COA7: variants seen among roughly 807,000 people sequenced by gnomAD.
The protein encoded by COA7 is cytochrome c oxidase assembly factor 7.
Under a neutral mutation model 21.0 loss-of-function variants are expected in COA7, and 12 were observed. The ratio of observed to expected loss-of-function variants is 0.57; its 90% CI spans 0.37 to 0.92. The LOEUF (loss-of-function observed/expected upper bound fraction) is 0.92, where lower values mean the gene tolerates loss of function less well. Among genes scored for constraint, COA7 ranks in the 40% least tolerant of loss-of-function variants. The pLI is 0.01. For missense variants in COA7, 240 were observed against 286.1 expected, an observed-to-expected ratio of 0.84 and a Z score of 1.16; for synonymous variants, 95 against 107.4, an observed-to-expected ratio of 0.88 and a Z score of 0.72.
rs1299578507 is a variant in COA7, at chr1:52,687,585, T to C, written c.*135A>G. 3 of 732,794 alleles carry C rather than the reference T, an allele frequency of 4.1e-6. No individual in the cohort carries two copies. The highest frequency in any genetic ancestry group is 1.9e-5 in the South Asian group (1 of 53,598). 45.4% of individuals were successfully genotyped at this position (732,794 alleles called of 1,614,324 possible). On this transcript the variant is annotated 3_prime_UTR_variant, in exon 3 of 3. Transcript: ENST00000371538. ...TCCAGTAGCTGGGGCAATGGATCCA[T>C]GTAAATGGAGCTACAAATTCAAGTC...
rs1558102013 is a variant in COA7, at chr1:52,686,668, A to AT, written c.*1051dup. ...TTTCCCCGTGTTAGCCAGGATGGTC[A>AT]TGATCTCCTGATCTCGTGATCCACC... On this transcript the variant is annotated 3_prime_UTR_variant, in exon 3 of 3. Transcript: ENST00000371538. The AT allele has an allele frequency of 6.6e-6, 1 of 152,036 alleles. No homozygotes were observed. Among genetic ancestry groups the AT allele is most frequent in the Non-Finnish European group, 1.5e-5 (1 of 68,056 alleles). The allele number at this position is 152,036 out of a possible 1,614,324, so 9.4% of individuals were successfully genotyped here.
chr1:52,690,336 C>T (rs556082226), intron 2 of COA7, among the ~76,000 whole-genome samples: 1 of 151,736 alleles, frequency 6.6e-6, no homozygotes, highest in South Asian at 2.1e-4. Context: ...CCAAATCCAC[C>T]TAGAAATAAC....
chr1:52,688,226 T>A, intron 2 of COA7, 58 bp from the exon 3 acceptor site: 13 of 1,355,694 alleles, frequency 9.6e-6, no homozygotes, highest in Non-Finnish European at 1.3e-5. Flanking sequence ...CCTAAATGTC[T>A]CAGGCCAAAG....
chr1:52,686,782 A>C lies in COA7; in HGVS notation c.*938T>G, dbSNP rs1194948510. 1 of 152,196 alleles carries C rather than the reference A, an allele frequency of 6.6e-6. No homozygotes were observed. Among genetic ancestry groups the C allele is most frequent in the Non-Finnish European group, 1.5e-5 (1 of 68,056 alleles). 9.4% of individuals were successfully genotyped at this position (152,196 alleles called of 1,614,324 possible). ...CTTAAAAGGCACAACCACCACAAAGAACATACTCTCTACGGTACCTGGAAT... is the reference window on the plus strand; with the variant it reads ...CTTAAAAGGCACAACCACCACAAAGCACATACTCTCTACGGTACCTGGAAT... On this transcript the variant is annotated 3_prime_UTR_variant, in exon 3 of 3. Transcript: ENST00000371538.
chr1:52,694,875 G>A (rs1298135024), intron 1 of COA7, among the ~76,000 whole-genome samples: 2 of 152,222 alleles, frequency 1.3e-5, no homozygotes, highest in African/African-American at 2.4e-5. Context: ...GCTGAACCAA[G>A]GAGGAGGGTC....
chr1:52,685,002 C>A lies in COA7; in HGVS notation c.*2718G>T, dbSNP rs1643991479. ...CACTGAATAATGACTACATGCACCA[C>A]AATTTATTTACCCATTTACCTACTG... On this transcript the variant is annotated 3_prime_UTR_variant, in exon 3 of 3. Transcript: ENST00000371538. 1 of 152,194 alleles carries A rather than the reference C, an allele frequency of 6.6e-6. No individual in the cohort carries two copies. The highest frequency in any genetic ancestry group is 1.5e-5 in the Non-Finnish European group (1 of 68,042). 9.4% of individuals were successfully genotyped at this position (152,194 alleles called of 1,614,324 possible).
rs576714956 is a variant in COA7, at chr1:52,696,079, C to A, written c.106+2142G>T. Among the ~76,000 whole-genome samples the A allele has an allele frequency of 4.6e-5, 7 of 152,330 alleles. No individual in the cohort carries two copies. In the East Asian group the frequency reaches 1.2e-3, roughly 25 times the overall value. ...ACTTGCCCAGCCCTCCAGACCTCCCCTCAAAGTCTTCCCTAACCACCCTGT... is the reference window on the plus strand; with the variant it reads ...ACTTGCCCAGCCCTCCAGACCTCCCATCAAAGTCTTCCCTAACCACCCTGT... On this transcript the variant is annotated intron_variant, in intron 1 of 2. Transcript: ENST00000371538.
chr1:52,698,084 C>T (rs965746466), intron 1 of COA7, 137 bp downstream of exon 1: 3 of 673,906 alleles, frequency 4.5e-6, no homozygotes, highest in Middle Eastern at 3.9e-4. Flanking sequence ...TCCCAACACA[C>T]GCGGTCACCG....
In COA7 at chr1:52,686,500, G is replaced by A. The variant is rs567096020; in HGVS notation, c.*1220C>T. 6.6e-6 allele frequency: 1 copy of A among 151,716 alleles called. No homozygotes were observed. The highest frequency in any genetic ancestry group is 1.9e-4 in the East Asian group (1 of 5,146). The allele number at this position is 151,716 out of a possible 1,614,324, so 9.4% of individuals were successfully genotyped here. A position where few individuals can be genotyped will look rare whatever the true frequency, so the allele number is the denominator to read the frequency against. On this transcript the variant is annotated 3_prime_UTR_variant, in exon 3 of 3. Transcript: ENST00000371538. ...TCTCACTCTATCGCCCAGGCTGGAGGGCAGTGGCGCAATCTCAGCTCACTG... is the reference window on the plus strand; with the variant it reads ...TCTCACTCTATCGCCCAGGCTGGAGAGCAGTGGCGCAATCTCAGCTCACTG...
In COA7 at chr1:52,688,086, T is replaced by C. The variant is rs143275374; in HGVS notation, c.330A>G (p.Ala110=). ...GTGCCAGGAGGCCAACGTTGTGACA[T>C]GCTGCTATTGACTTCTTTCCAGGCT... The part of the protein sequence containing the change: ...CEKPGKKSIA[A]CHNVGLLAHD... The change falls in exon 3 of 3, where the codon GCA becomes GCG. Residue 110 remains alanine, a synonymous_variant. Transcript: ENST00000371538. 6.6e-5 allele frequency: 107 copies of C among 1,614,008 alleles called. 1 individual carries two copies. In the African/African-American group the frequency reaches 1.1e-3, roughly 17 times the overall value.
intron 1 of COA7, among the ~76,000 whole-genome samples, chr1:52,693,603 C>CT (rs1644063253): frequency 7.9e-6 from 1 of 126,788 alleles, no homozygotes; most frequent in African/African-American, 3.2e-5. Context: ...GAGACTCTGT[C>CT]TTAAAAAAAA....
At position 52,687,056 on chromosome 1, in the gene COA7, T is replaced by A. The variant is rs1644011178; in HGVS notation, c.*664A>T. 1 of 152,374 alleles carries A rather than the reference T, an allele frequency of 6.6e-6. No homozygotes were observed. Among genetic ancestry groups the A allele is most frequent in the Non-Finnish European group, 1.5e-5 (1 of 68,182 alleles). The allele number at this position is 152,374 out of a possible 1,614,324, so 9.4% of individuals were successfully genotyped here. A position where few individuals can be genotyped will look rare whatever the true frequency, so the allele number is the denominator to read the frequency against. On this transcript the variant is annotated 3_prime_UTR_variant, in exon 3 of 3. Coordinates refer to ENST00000371538, the MANE Select transcript of COA7 (RefSeq NM_023077.3). ...GACGATGGCAGGCTGATGTTTCATC[T>A]TCTTCAGCAACCCTGAAGCATAACA...
At chr1:52,688,244 ATT>A (rs375971356) in intron 2 of COA7, 76 bp from the exon 3 acceptor site, 9,266 of 944,770 alleles carry the variant, frequency 9.8e-3, no homozygotes, top group Non-Finnish European at 0.011. Context: ...AAGTCAGTGA[ATT>A]TTTTTTTTTT....
intron 1 of COA7, among the ~76,000 whole-genome samples, chr1:52,695,297 G>GGAA (rs1644076587): frequency 1.5e-5 from 1 of 68,218 alleles, no homozygotes; most frequent in Non-Finnish European, 2.9e-5. Context: ...CAGCCTCAGG[G>GGAA]AAAAAAAAAA....
intron 2 of COA7, among the ~76,000 whole-genome samples, chr1:52,688,696 T>A (rs1207496239): frequency 6.6e-6 from 1 of 151,962 alleles, no homozygotes; most frequent in Non-Finnish European, 1.5e-5. Flanking sequence ...GAAAAAAAAA[T>A]GTCCATACTA....
rs1287697756 is a variant in COA7 at position 52,684,981 on chromosome 1, G to T, written c.*2739C>A. ...TTTGTCATAGCTTGATTTAAGCACT[G>T]AATAATGACTACATGCACCACAATT... On this transcript the variant is annotated 3_prime_UTR_variant, in exon 3 of 3. Coordinates refer to ENST00000371538, the MANE Select transcript of COA7 (RefSeq NM_023077.3). 6.6e-6 allele frequency: 1 copy of T among 152,152 alleles called. No individual in the cohort carries two copies. Among genetic ancestry groups the T allele is most frequent in the Non-Finnish European group, 1.5e-5 (1 of 68,038 alleles). 9.4% of individuals were successfully genotyped at this position (152,152 alleles called of 1,614,324 possible).
intron 2 of COA7, among the ~76,000 whole-genome samples, chr1:52,691,082 G>A (rs908103460): frequency 4.0e-5 from 6 of 151,746 alleles, no homozygotes; most frequent in East Asian, 1.9e-4. Flanking sequence ...CAGCCTGGGC[G>A]ACAGAGTGGG....
At chr1:52,697,516 C>T (rs1314789280) in intron 1 of COA7, among the ~76,000 whole-genome samples, 1 of 152,198 alleles carries the variant, frequency 6.6e-6, no homozygotes, top group Non-Finnish European at 1.5e-5. Context: ...TAAAACTGCC[C>T]TCCTGCCCTC....
intron 2 of COA7, among the ~76,000 whole-genome samples, chr1:52,692,159 C>T (rs968233633): frequency 2.0e-5 from 3 of 152,240 alleles, no homozygotes; most frequent in African/African-American, 7.2e-5. Flanking sequence ...CCAGCCCTGG[C>T]TCCCTGGCCA....
Sources: gnomAD v4.1 joint callset for allele counts (sites outside exome capture counted in the v4.1 genomes callset) on GRCh38, gnomAD v4.1.1 for gene constraint, MANE v1.5 for transcripts, NCBI Gene and HGNC (gene_info 2026-07-23, HGNC 2026-07-21) for gene names.